Variants in SYT7 observed in about 807,000 individuals in gnomAD.
The protein encoded by SYT7 is synaptotagmin 7.
In SYT7, 29 loss-of-function variants were observed where a neutral mutation model predicts 75.1. That is an observed-to-expected ratio of 0.39 (90% CI 0.29 to 0.53). The LOEUF is 0.53. SYT7 is among the 20% of genes least tolerant of loss of function. The pLI, the probability that SYT7 is intolerant of heterozygous loss-of-function variation, is 0.77. For missense variants in SYT7, 693 were observed against 953.2 expected, an observed-to-expected ratio of 0.73 and a Z score of 3.59; for synonymous variants, 376 against 401.7, an observed-to-expected ratio of 0.94 and a Z score of 0.76.
chr11:61,523,404 A>T lies in SYT7; in HGVS notation c.1757-130T>A. 3.5e-6 allele frequency: 3 copies of T among 863,048 alleles called. No homozygotes were observed. The South Asian group carries it at 4.8e-5, about 14-fold the overall frequency. 53.5% of individuals were successfully genotyped at this position (863,048 alleles called of 1,614,324 possible). A position where few individuals can be genotyped will look rare whatever the true frequency, so the allele number is the denominator to read the frequency against. Reference sequence around the variant, plus strand: ...TTTCCCCAGAGGCAAGGAAAGACCCAGGCAAGAACAAGAGGGACCTGGGAG... The same window carrying T: ...TTTCCCCAGAGGCAAGGAAAGACCCTGGCAAGAACAAGAGGGACCTGGGAG... On this transcript the variant is annotated intron_variant, in intron 11 of 12. Transcript: ENST00000539008. The surrounding 1 kb of genome is among the most constrained non-coding windows in gnomAD (Gnocchi z 5.0).
intron 5 of SYT7, among the ~76,000 whole-genome samples, chr11:61,544,032 G>A (rs964634150): frequency 1.3e-5 from 2 of 152,222 alleles, no homozygotes; most frequent in African/African-American, 4.8e-5. Flanking sequence ...AGTTTTATTG[G>A]AACCAAGCCA....
chr11:61,578,965 T>G (rs2064160062), intron 1 of SYT7, among the ~76,000 whole-genome samples: 1 of 152,194 alleles, frequency 6.6e-6, no homozygotes, highest in African/African-American at 2.4e-5. Context: ...GGGATGGTAC[T>G]GGACTCCAGA....
In SYT7 at chr11:61,542,695, G is replaced by T; in HGVS notation, c.573-116C>A. 7.2e-7 allele frequency: 1 copy of T among 1,382,630 alleles called. No homozygotes were observed. The highest frequency in any genetic ancestry group is 9.3e-7 in the Non-Finnish European group (1 of 1,073,522). 85.6% of individuals were successfully genotyped at this position (1,382,630 alleles called of 1,614,324 possible). A position where few individuals can be genotyped will look rare whatever the true frequency, so the allele number is the denominator to read the frequency against. On this transcript the variant is annotated intron_variant, in intron 5 of 12. Transcript: ENST00000539008. The surrounding 1 kb of genome is among the most constrained non-coding windows in gnomAD (Gnocchi z 7.8). ...CCCCAGTGCAGGGTGCGCGCTGCCG[G>T]ACCTCGCCAGGCCTCCATCGGAGCT...
chr11:61,580,706 G>T lies in SYT7; in HGVS notation c.31+84C>A. 1.1e-6 allele frequency: 1 copy of T among 947,210 alleles called. No individual in the cohort carries two copies. Among genetic ancestry groups the T allele is most frequent in the Non-Finnish European group, 1.4e-6 (1 of 736,484 alleles). The allele number at this position is 947,210 out of a possible 1,614,324, so 58.7% of individuals were successfully genotyped here. ...GGCTCCGGGCGGACAACAGCCCCAGGCTGGGGCTCCGAGACGGCGTCCGGC... is the reference window on the plus strand; with the variant it reads ...GGCTCCGGGCGGACAACAGCCCCAGTCTGGGGCTCCGAGACGGCGTCCGGC... On this transcript the variant is annotated intron_variant, in intron 1 of 12. Transcript: ENST00000539008. This position sits in a 1 kb window ranked among gnomAD's most constrained non-coding sequence, Gnocchi z 6.1.
rs986406416 is a variant in SYT7 at position 61,546,505 on chromosome 11, G to GGGC, written c.348-253_348-251dup. On this transcript the variant is annotated intron_variant, in intron 4 of 12. Transcript: ENST00000539008. The surrounding 1 kb of genome is among the most constrained non-coding windows in gnomAD (Gnocchi z 7.6). ...AGCCTGCAGAGGAGAGAGGGGGACC[G>GGGC]GGCGGGCTGGGGGTCGGAGAACAAC... 3.0e-5 allele frequency: 16 copies of GGGC among 541,846 alleles called. No homozygotes were observed. In the Admixed American group the frequency reaches 4.3e-4, roughly 15 times the overall value. The allele number at this position is 541,846 out of a possible 1,614,324, so 33.6% of individuals were successfully genotyped here. A position where few individuals can be genotyped will look rare whatever the true frequency, so the allele number is the denominator to read the frequency against.
At chr11:61,548,880 T>C (rs554069757) in intron 3 of SYT7, among the ~76,000 whole-genome samples, 1 of 152,302 alleles carries the variant, frequency 6.6e-6, no homozygotes, top group South Asian at 2.1e-4. Flanking sequence ...AGAGTAGACC[T>C]TGGAAATGTC....
intron 6 of SYT7, among the ~76,000 whole-genome samples, chr11:61,538,829 C>CGCT (rs1397756327): frequency 1.3e-5 from 2 of 152,194 alleles, no homozygotes; most frequent in African/African-American, 4.8e-5. Context: ...ATCCAGTGGG[C>CGCT]GCTGCACCCT....
intron 5 of SYT7, among the ~76,000 whole-genome samples, chr11:61,543,941 T>G (rs1486385197): frequency 1.3e-5 from 2 of 152,194 alleles, no homozygotes; most frequent in African/African-American, 4.8e-5. Context: ...CCTCCACCTC[T>G]CAATCCAGTG....
chr11:61,524,463 C>T lies in SYT7; in HGVS notation c.1541G>A (p.Arg514His), dbSNP rs1287875291. The part of the protein sequence containing the change: ...LQVLDYDRFS[R>H]NDPIGEVSIP... The stretch of plus-strand genomic sequence containing the variant: ...GGACACCTCCCCAATGGGGTCGTTG[C>T]GGCTGAAGCGGTCATAGTCCAGGAC... Residue 514 changes from arginine to histidine, a missense_variant, in exon 10 of 13, where the codon CGC (arginine) becomes CAC (histidine). Physicochemically the swap from Arg to His is conservative, Grantham distance 29. This residue lies in a region of SYT7 where 206 missense variants were observed against 360.0 expected (regional missense o/e 0.57). Transcript: ENST00000539008. This position sits in a 1 kb window ranked among gnomAD's most constrained non-coding sequence, Gnocchi z 4.1. 2.5e-6 allele frequency: 4 copies of T among 1,612,948 alleles called. No individual in the cohort carries two copies. Among genetic ancestry groups the T allele is most frequent in the African/African-American group, 1.3e-5 (1 of 74,906 alleles).
intron 7 of SYT7, among the ~76,000 whole-genome samples, chr11:61,534,358 G>A (rs2062800288): frequency 6.6e-6 from 1 of 152,044 alleles, no homozygotes; most frequent in Admixed American, 6.5e-5. Flanking sequence ...CCCAAAGCAG[G>A]GTGCACGTGC....
upstream of SYT7, among the ~76,000 whole-genome samples, chr11:61,582,509 CCA>C (rs947360820): frequency 6.6e-6 from 1 of 151,344 alleles, no homozygotes; most frequent in East Asian, 2.0e-4. Flanking sequence ...CCAACAACCA[CCA>C]CACACACACA....
At chr11:61,530,037 A>T (rs2062655247) in intron 8 of SYT7, among the ~76,000 whole-genome samples, 1 of 152,032 alleles carries the variant, frequency 6.6e-6, no homozygotes, top group Non-Finnish European at 1.5e-5. Flanking sequence ...ACAACATCCC[A>T]ATGAGGCAAG....
chr11:61,579,904 G>A (rs1437411513), intron 1 of SYT7, among the ~76,000 whole-genome samples: 3 of 152,210 alleles, frequency 2.0e-5, no homozygotes, highest in Non-Finnish European at 4.4e-5. Context: ...GATGGAGCCT[G>A]GGCAGGAGCT....
In SYT7 at chr11:61,542,733, G is replaced by A. The variant is rs908959365; in HGVS notation, c.573-154C>T. Among the ~76,000 whole-genome samples the A allele has an allele frequency of 6.6e-5, 10 of 152,178 alleles. No individual in the cohort carries two copies. The highest frequency in any genetic ancestry group is 2.4e-4 in the African/African-American group (10 of 41,444). On this transcript the variant is annotated intron_variant, in intron 5 of 12. Transcript: ENST00000539008. The surrounding 1 kb of genome is among the most constrained non-coding windows in gnomAD (Gnocchi z 7.8). ...CTCCATCGGAGCTGTCGCCACCGCC[G>A]TCGCCGCCACTGCCTCGCCCAGGAG...
intron 9 of SYT7, 84 bp downstream of exon 9, chr11:61,527,831 G>C (rs758865181): frequency 2.8e-4 from 419 of 1,516,232 alleles, no homozygotes; most frequent in Non-Finnish European, 3.7e-4. Flanking sequence ...ATGTGTCTGT[G>C]CATGTGGCCA....
intron 1 of SYT7, among the ~76,000 whole-genome samples, chr11:61,562,016 G>A (rs566961095): frequency 5.3e-5 from 8 of 151,406 alleles, no homozygotes; most frequent in Non-Finnish European, 1.0e-4. Context: ...GTGTGTGCGC[G>A]CATGCACACA....
intron 3 of SYT7, among the ~76,000 whole-genome samples, chr11:61,549,569 G>C (rs2063288393): frequency 6.6e-6 from 1 of 152,244 alleles, no homozygotes; most frequent in South Asian, 2.1e-4. Context: ...ATGAAGGGCT[G>C]TGCAGGAAGG....
Position 61,524,317 on chromosome 11 carries a change from CCTGCCCTG to C in SYT7, c.1641+38_1641+45del, listed in dbSNP as rs2062443412. 3 of 1,606,152 alleles carry C rather than the reference CCTGCCCTG, an allele frequency of 1.9e-6. No individual in the cohort carries two copies. The South Asian group carries it at 3.3e-5, about 18-fold the overall frequency. On this transcript the variant is annotated intron_variant, in intron 10 of 12. Coordinates refer to ENST00000539008, the MANE Select transcript of SYT7 (RefSeq NM_001365809.2). The surrounding 1 kb of genome is among the most constrained non-coding windows in gnomAD (Gnocchi z 4.1). Reference sequence around the variant, plus strand: ...AGGGTCTGGGACCAGATCTCCCAGCCCTGCCCTGCTGCCTGTCCAGCTAAGACCCACCC... The same window carrying C: ...AGGGTCTGGGACCAGATCTCCCAGCCCTGCCTGTCCAGCTAAGACCCACCC...
intron 1 of SYT7, among the ~76,000 whole-genome samples, chr11:61,579,313 G>A (rs867193110): frequency 6.6e-6 from 1 of 152,232 alleles, no homozygotes; most frequent in African/African-American, 2.4e-5. Flanking sequence ...CGGCCTCTTC[G>A]ACGAAGATGC....
Sources: gnomAD v4.1 joint callset for allele counts (sites outside exome capture counted in the v4.1 genomes callset) on GRCh38, gnomAD v4.1.1 for gene constraint, gnomAD v4.1.1 regional missense constraint, Gnocchi (gnomAD v3.1) non-coding constraint, MANE v1.5 for transcripts, NCBI Gene and HGNC (gene_info 2026-07-23, HGNC 2026-07-21) for gene names.